The following SLC22A25 variants were observed in gnomAD, a reference collection of about 807,000 sequenced individuals.
SLC22A25 encodes the protein solute carrier family 22 member 25.
SLC22A25 carries 44 observed loss-of-function variants against 45.9 expected under a neutral mutation model. That is an observed-to-expected ratio of 0.96 (90% confidence interval 0.75 to 1.23). SLC22A25 has a LOEUF of 1.23. Ranked by LOEUF, SLC22A25 falls within the 50% of genes most tolerant of loss-of-function variation. The pLI is 0.00. For synonymous variants in SLC22A25, 283 were observed against 238.6 expected (o/e 1.19, Z -1.72); for missense variants, 800 against 666.4 (o/e 1.20, Z -2.21).
In SLC22A25 at chr11:63,191,435, G is replaced by A. The variant is rs144142348; in HGVS notation, c.831-7618C>T. 3.5e-3 allele frequency among the ~76,000 whole-genome samples: 540 copies of A among 152,282 alleles called. 3 individuals carry two copies. The highest frequency in any genetic ancestry group is 0.012 in the African/African-American group (517 of 41,560). On this transcript the variant is annotated intron_variant, in intron 7 of 11. Coordinates refer to ENST00000306494, the MANE Select transcript of SLC22A25 (RefSeq NM_199352.6). ...GTGGGAGTGACCCGATTTTCTGGGT[G>A]CCCTCTGTCACCCCTTTCTTTGATT...
intron 1 of SLC22A25, among the ~76,000 whole-genome samples, chr11:63,242,842 G>C (rs1229983467): frequency 1.3e-5 from 2 of 152,108 alleles, no homozygotes; most frequent in Non-Finnish European, 2.9e-5. Context: ...GGTGGAGTTC[G>C]AAGGGGAGGA....
intron 5 of SLC22A25, among the ~76,000 whole-genome samples, chr11:63,226,444 G>A (rs992730695): frequency 1.3e-5 from 2 of 152,130 alleles, no homozygotes; most frequent in Admixed American, 1.3e-4. Flanking sequence ...AAATTATTTG[G>A]ACCAGCAGGC....
rs1242639748 is a variant in SLC22A25 at position 63,229,261 on chromosome 11, A to G, written c.392T>C (p.Ile131Thr). The change falls in exon 4 of 12, where the codon ATT becomes ACT. Residue 131 changes from isoleucine to threonine, a missense_variant. Ile to Thr is a moderately conservative substitution (Grantham distance 89). Coordinates refer to ENST00000306494, the MANE Select transcript of SLC22A25 (RefSeq NM_199352.6). ...VYDQSSFPST[I>T]VTKWDLVCES... ...AATGAGGCCTCTTACCTTAGTCACA[A>G]TGGTGGAAGGGAAGGAGCTTTGGTC... 1.2e-5 allele frequency: 18 copies of G among 1,531,180 alleles called. No individual in the cohort carries two copies. The highest frequency in any genetic ancestry group is 6.8e-5 in the East Asian group (3 of 44,092). The allele number at this position is 1,531,180 out of a possible 1,614,324, so 94.8% of individuals were successfully genotyped here.
intron 5 of SLC22A25, among the ~76,000 whole-genome samples, chr11:63,228,253 A>G (rs1389602030): frequency 6.6e-6 from 1 of 152,158 alleles, no homozygotes; most frequent in Admixed American, 6.5e-5. Flanking sequence ...TCAGATGGAG[A>G]TGAAATTTCT....
intron 7 of SLC22A25, among the ~76,000 whole-genome samples, chr11:63,191,204 G>A (rs935486971): frequency 6.6e-6 from 1 of 152,212 alleles, no homozygotes; most frequent in African/African-American, 2.4e-5. Flanking sequence ...CCCAGTTGGA[G>A]CTTCCCAGCT....
In SLC22A25 at chr11:63,163,834, G is replaced by A; in HGVS notation, c.1634C>T (p.Ser545Phe). 6.2e-7 allele frequency: 1 copy of A among 1,612,998 alleles called. No individual in the cohort carries two copies. The highest frequency in any genetic ancestry group is 8.5e-7 in the Non-Finnish European group (1 of 1,179,422). The change falls in exon 12 of 12, where the codon TCT (serine) becomes TTT (phenylalanine). Residue 545 changes from serine to phenylalanine, a missense_variant. By Grantham distance (155) the Ser-to-Phe change is radical. Transcript: ENST00000306494. ...VNSLAAPQRS[S>F]VL ...TTCCTCAGCACAGACCTATAGCACA[G>A]AGCTCCTCTGAGGGGCAGCTAGGCT...
At position 63,180,138 on chromosome 11, in the gene SLC22A25, T is replaced by C. The variant is rs79063924; in HGVS notation, c.1070+522A>G. Among the ~76,000 whole-genome samples the C allele has an allele frequency of 8.1e-3, 1,241 of 152,288 alleles. 14 individuals carry two copies. The highest frequency in any genetic ancestry group is 0.027 in the African/African-American group (1,130 of 41,570). On this transcript the variant is annotated intron_variant, in intron 9 of 11. Coordinates refer to ENST00000306494, the MANE Select transcript of SLC22A25 (RefSeq NM_199352.6). Reference sequence around the variant, plus strand: ...CAATGTCTTGTCTCAGTTTTGAAATTCTCATAGAAGTATTTTTGTCCAGTC... The same window carrying C: ...CAATGTCTTGTCTCAGTTTTGAAATCCTCATAGAAGTATTTTTGTCCAGTC...
chr11:63,215,923 C>T (rs1419675599), intron 7 of SLC22A25, among the ~76,000 whole-genome samples: 1 of 152,166 alleles, frequency 6.6e-6, no homozygotes, highest in Admixed American at 6.6e-5. Flanking sequence ...CCAGCTCCAT[C>T]CATGTTCCTG....
intron 9 of SLC22A25, among the ~76,000 whole-genome samples, chr11:63,178,711 A>G (rs2088208960): frequency 6.6e-6 from 1 of 151,846 alleles, no homozygotes; most frequent in African/African-American, 2.4e-5. Context: ...TGATTTATTA[A>G]TCCCTTGTCG....
chr11:63,196,496 G>A (rs1032474447), intron 7 of SLC22A25, among the ~76,000 whole-genome samples: 4 of 152,046 alleles, frequency 2.6e-5, no homozygotes, highest in South Asian at 2.1e-4. Context: ...CAGAACTAAC[G>A]ACAAAAACCA....
At chr11:63,192,602 T>A (rs1207808179) in intron 7 of SLC22A25, among the ~76,000 whole-genome samples, 4 of 152,158 alleles carry the variant, frequency 2.6e-5, no homozygotes, top group Non-Finnish European at 4.4e-5. Flanking sequence ...CCATCTCACA[T>A]GCAATAGCAC....
In SLC22A25 at chr11:63,166,937, T is replaced by C. The variant is rs1345000802; in HGVS notation, c.1071-679A>G. The C allele has an allele frequency of 1.2e-5, 10 of 828,506 alleles. No individual in the cohort carries two copies. In the East Asian group the frequency reaches 7.5e-4, roughly 62 times the overall value. 51.3% of individuals were successfully genotyped at this position (828,506 alleles called of 1,614,324 possible). On this transcript the variant is annotated intron_variant, in intron 9 of 11. Coordinates refer to ENST00000306494, the MANE Select transcript of SLC22A25 (RefSeq NM_199352.6). ...GGTCTGCAGCTCCCAGCGAGAGCAA[T>C]GCGGAAGGTGAGTGATTTCTGCATT...
chr11:63,187,869 C>A (rs2088624640), intron 7 of SLC22A25, among the ~76,000 whole-genome samples: 1 of 152,200 alleles, frequency 6.6e-6, no homozygotes, highest in Non-Finnish European at 1.5e-5. Context: ...ATAGGTTGAA[C>A]CAGCCTTGCA....
In SLC22A25 at chr11:63,229,657, G is replaced by T. The variant is rs776703985; in HGVS notation, c.-5C>A. On this transcript the variant is annotated 5_prime_UTR_variant, in exon 4 of 12. Transcript: ENST00000306494. Reference sequence around the variant, plus strand: ...TAGGAGGTCCTGAAAGGCCATTGAGGCTGGACAAGTGATCCCCAAGAGGAG... The same window carrying T: ...TAGGAGGTCCTGAAAGGCCATTGAGTCTGGACAAGTGATCCCCAAGAGGAG... 6.3e-7 allele frequency: 1 copy of T among 1,597,140 alleles called. No homozygotes were observed. Among genetic ancestry groups the T allele is most frequent in the Middle Eastern group, 1.7e-4 (1 of 5,992 alleles).
intron 3 of SLC22A25, among the ~76,000 whole-genome samples, chr11:63,237,128 G>A (rs574927308): frequency 2.0e-4 from 31 of 152,214 alleles, no homozygotes; most frequent in African/African-American, 4.1e-4. Context: ...CTTGTAAGTC[G>A]GAGCTAAACA....
At chr11:63,169,853 G>T (rs1200970870) in intron 9 of SLC22A25, among the ~76,000 whole-genome samples, 1 of 152,134 alleles carries the variant, frequency 6.6e-6, no homozygotes, top group African/African-American at 2.4e-5. Flanking sequence ...CAAATCAACA[G>T]AATATACATT....
intron 3 of SLC22A25, among the ~76,000 whole-genome samples, chr11:63,231,303 C>G (rs1405939990): frequency 6.6e-6 from 1 of 152,182 alleles, no homozygotes; most frequent in Admixed American, 6.5e-5. Context: ...CACATCCTCT[C>G]CAGCACCTGT....
Position 63,166,162 on chromosome 11 carries a change from G to A in SLC22A25, c.1167C>T (p.Thr389=), listed in dbSNP as rs751922896. ...FLLQTLFGAV[T]LLANCVAPWA... is the part of the protein sequence containing the mutation. ...AAGGTGCAACACAATTGGCCAGGAG[G>A]GTGACTGCACCAAAGAGAGTCTGCA... Residue 389 remains threonine (T), a synonymous_variant, in exon 10 of 12, where the codon ACC becomes ACT. Transcript: ENST00000306494. The A allele has an allele frequency of 2.0e-5, 33 of 1,613,870 alleles. No homozygotes were observed. The highest frequency in any genetic ancestry group is 2.5e-5 in the Non-Finnish European group (29 of 1,179,974).
At position 63,162,483 on chromosome 11, in the gene SLC22A25, A is replaced by G. The variant is rs1472851694; in HGVS notation, c.*1341T>C. 2.6e-5 allele frequency among the ~76,000 whole-genome samples: 4 copies of G among 152,102 alleles called. No homozygotes were observed. The highest frequency in any genetic ancestry group is 9.7e-5 in the African/African-American group (4 of 41,420). ...TCTAGTTTTATTCTTCTGCATATGG[A>G]TATCCAGTTTTGGAACTATTTTTTA... On this transcript the variant is annotated 3_prime_UTR_variant, in exon 12 of 12. Transcript: ENST00000306494.
Sources: allele counts gnomAD v4.1 joint callset (sites outside exome capture counted in the v4.1 genomes callset), GRCh38; gene constraint gnomAD v4.1.1; transcripts MANE v1.5; gene names NCBI Gene and HGNC (gene_info 2026-07-23, HGNC 2026-07-21).